SUSD6: variants seen among roughly 807,000 people sequenced by gnomAD.
SUSD6 encodes the protein sushi domain containing 6.
Under a neutral mutation model 28.4 loss-of-function variants are expected in SUSD6, and 16 were observed. That is an observed-to-expected ratio of 0.56 (90% CI 0.38 to 0.86). The LOEUF (loss-of-function observed/expected upper bound fraction) is 0.86. Ranked by LOEUF, SUSD6 falls within the 40% of genes least tolerant of loss-of-function variation. The pLI, the probability that SUSD6 is intolerant of heterozygous loss-of-function variation, is 0.00. For synonymous variants in SUSD6, 147 were observed against 159.6 expected, an observed-to-expected ratio of 0.92 and a Z score of 0.59; for missense variants, 341 against 384.2, an observed-to-expected ratio of 0.89 and a Z score of 0.94.
intron 2 of SUSD6, among the ~76,000 whole-genome samples, chr14:69,688,376 G>A (rs1020741423): frequency 3.3e-5 from 5 of 152,178 alleles, no homozygotes; most frequent in South Asian, 4.1e-4. Context: ...GAGCCTGGAC[G>A]TGAGAGCTCA....
intron 2 of SUSD6, among the ~76,000 whole-genome samples, chr14:69,676,985 A>T (rs1246232987): frequency 1.3e-5 from 2 of 152,224 alleles, no homozygotes; most frequent in African/African-American, 4.8e-5. Context: ...AGGTGTTCTC[A>T]TGCCCTTAGT....
rs1886459853 is a variant in SUSD6 at position 69,711,301 on chromosome 14, C to T, written c.*322C>T. ...GGGTCCCCTCCAGCCAGCTCTTTGG[C>T]GGCAGCCCCCACCAGCTCCTGTGGG... On this transcript the variant is annotated 3_prime_UTR_variant, in exon 6 of 6. Coordinates refer to ENST00000342745, the MANE Select transcript of SUSD6 (RefSeq NM_014734.4). 2 of 397,480 alleles carry T rather than the reference C, an allele frequency of 5.0e-6. No homozygotes were observed. Among genetic ancestry groups the T allele is most frequent in the Admixed American group, 4.0e-5 (1 of 24,740 alleles). 24.6% of individuals were successfully genotyped at this position (397,480 alleles called of 1,614,324 possible).
chr14:69,668,445 G>A (rs1450955899), intron 2 of SUSD6, among the ~76,000 whole-genome samples: 1 of 151,922 alleles, frequency 6.6e-6, no homozygotes, highest in Non-Finnish European at 1.5e-5. Flanking sequence ...GACCAGCCCG[G>A]CCAACATGGT....
intron 2 of SUSD6, 68 bp from the exon 3 acceptor site, chr14:69,703,327 C>A: frequency 1.6e-6 from 2 of 1,252,796 alleles, no homozygotes; most frequent in South Asian, 1.3e-5. Flanking sequence ...TTCAGAGCTG[C>A]GTCACTGAGA....
chr14:69,623,781 A>C (rs574159751), intron 1 of SUSD6, among the ~76,000 whole-genome samples: 6 of 152,344 alleles, frequency 3.9e-5, no homozygotes, highest in African/African-American at 1.4e-4. Context: ...TTTTTTAACA[A>C]AAAAAGATTT....
At chr14:69,705,974 CCTT>C (rs1332797058) in intron 4 of SUSD6, among the ~76,000 whole-genome samples, 2 of 152,184 alleles carry the variant, frequency 1.3e-5, no homozygotes, top group Non-Finnish European at 2.9e-5. Flanking sequence ...TCTTCACAGT[CCTT>C]CATCAGTCAC....
At chr14:69,680,421 A>T (rs1025785334) in intron 2 of SUSD6, among the ~76,000 whole-genome samples, 6 of 152,144 alleles carry the variant, frequency 3.9e-5, no homozygotes, top group African/African-American at 1.2e-4. Flanking sequence ...CCAGGCTCTT[A>T]CTGGTTTCCG....
At position 69,708,928 on chromosome 14, in the gene SUSD6, G is replaced by T. The variant is rs749557531; in HGVS notation, c.710G>T (p.Gly237Val). ...GGEDEAPGQS[G>V]LCEAWGSRAS... ...GAAGATGAGGCCCCAGGCCAGTCTG[G>T]ACTATGTGAAGCCTGGGGCTCTCGG... Residue 237 changes from glycine (G) to valine (V), a missense_variant, in exon 5 of 6, where the codon GGA (glycine) becomes GTA (valine). Transcript: ENST00000342745. 8 of 1,614,064 alleles carry T rather than the reference G, an allele frequency of 5.0e-6. No individual in the cohort carries two copies. The Admixed American group carries it at 5.0e-5, about 10-fold the overall frequency.
chr14:69,673,314 A>G (rs1885861041), intron 2 of SUSD6, among the ~76,000 whole-genome samples: 1 of 152,138 alleles, frequency 6.6e-6, no homozygotes, highest in African/African-American at 2.4e-5. Flanking sequence ...GATGTGGTTT[A>G]AAAATGTGCA....
chr14:69,620,217 T>A (rs117876462), intron 1 of SUSD6, among the ~76,000 whole-genome samples: 171 of 152,344 alleles, frequency 1.1e-3, no homozygotes, highest in Admixed American at 3.5e-3. Context: ...GGAATTTTGC[T>A]TGTTACACAG....
chr14:69,683,119 C>G (rs1409145316), intron 2 of SUSD6, among the ~76,000 whole-genome samples: 1 of 152,060 alleles, frequency 6.6e-6, no homozygotes, highest in Non-Finnish European at 1.5e-5. Context: ...TTGTTTCATG[C>G]TTTGATGTGA....
chr14:69,668,784 T>TC (rs1885784440), intron 2 of SUSD6, among the ~76,000 whole-genome samples: 2 of 152,128 alleles, frequency 1.3e-5, no homozygotes, highest in Admixed American at 1.3e-4. Context: ...GGCGATCCCC[T>TC]TGATGGTGAG....
rs201634222 is a variant in SUSD6 at position 69,708,872 on chromosome 14, G to T, written c.654G>T (p.Pro218=). ...GRSVPREQQL[P]DQGACSSAGG... ...GCGTGCCAAGGGAGCAACAGCTGCCGGACCAAGGGGCCTGCTCCTCTGCAG... is the reference window on the plus strand; with the variant it reads ...GCGTGCCAAGGGAGCAACAGCTGCCTGACCAAGGGGCCTGCTCCTCTGCAG... The change falls in exon 5 of 6, where the codon CCG becomes CCT. Residue 218 remains proline, a synonymous_variant. Transcript: ENST00000342745. The T allele has an allele frequency of 3.1e-6, 5 of 1,614,090 alleles. No homozygotes were observed. The South Asian group carries it at 5.5e-5, about 18-fold the overall frequency.
chr14:69,708,645 T>C (rs1228767986), intron 4 of SUSD6, 32 bp from the exon 5 acceptor site: 1 of 1,497,646 alleles, frequency 6.7e-7, no homozygotes, highest in Non-Finnish European at 9.0e-7. Context: ...TTTATTCTAA[T>C]TCATCCTTTG....
At chr14:69,624,173 G>A (rs1885080833) in intron 1 of SUSD6, among the ~76,000 whole-genome samples, 2 of 152,156 alleles carry the variant, frequency 1.3e-5, no homozygotes, top group South Asian at 4.1e-4. Context: ...AGTATGTTTA[G>A]ATACACAATT....
At chr14:69,695,354 A>G (rs1006348557) in intron 2 of SUSD6, among the ~76,000 whole-genome samples, 35 of 152,312 alleles carry the variant, frequency 2.3e-4, no homozygotes, top group Admixed American at 3.9e-4. Context: ...GGACAGGATG[A>G]TCTCTAGCCC....
rs147753129 is a variant in SUSD6 at position 69,619,812 on chromosome 14, A to G, written c.-81+7984A>G. Among the ~76,000 whole-genome samples the G allele has an allele frequency of 1.8e-4, 28 of 152,178 alleles. No individual in the cohort carries two copies. The East Asian group carries it at 4.2e-3, about 23-fold the overall frequency. ...AAAAAAACCACCTGACCCCAGGCCA[A>G]TGGGATGTGTGCTCTGTCTGGGAGA... On this transcript the variant is annotated intron_variant, in intron 1 of 5. Coordinates refer to ENST00000342745, the MANE Select transcript of SUSD6 (RefSeq NM_014734.4).
At chr14:69,656,084 TTTCC>T (rs1396880985) in intron 1 of SUSD6, among the ~76,000 whole-genome samples, 1 of 151,550 alleles carries the variant, frequency 6.6e-6, no homozygotes, top group African/African-American at 2.4e-5. Context: ...TTTTTTTTCT[TTTCC>T]TTCCTTCCTC....
At chr14:69,678,400 AATT>A (rs2139628958) in intron 2 of SUSD6, among the ~76,000 whole-genome samples, 1 of 151,434 alleles carries the variant, frequency 6.6e-6, no homozygotes, top group East Asian at 1.9e-4. Flanking sequence ...TATATGTTGC[AATT>A]ATTTGCAGTG....
Sources: allele counts gnomAD v4.1 joint callset (sites outside exome capture counted in the v4.1 genomes callset), GRCh38; gene constraint gnomAD v4.1.1; transcripts MANE v1.5; gene names NCBI Gene and HGNC (gene_info 2026-07-23, HGNC 2026-07-21).